XPR1: variants seen among roughly 807,000 people sequenced by gnomAD.
The protein encoded by XPR1 is solute carrier family 53 member 1.
A neutral mutation model predicts 87.5 loss-of-function variants in XPR1; 28 were observed. The observed-to-expected ratio is 0.32, with a 90% CI of 0.24 to 0.44. XPR1 has a LOEUF of 0.44. Ranked by LOEUF, XPR1 falls within the 20% of genes least tolerant of loss-of-function variation. XPR1 has a pLI of 1.00. For synonymous variants in XPR1, 300 were observed against 306.1 expected (o/e 0.98, Z 0.21); for missense variants, 559 against 862.3 (o/e 0.65, Z 4.41).
chr1:180,833,037 G>T (rs1341056699), intron 9 of XPR1, among the ~76,000 whole-genome samples: 9 of 151,980 alleles, frequency 5.9e-5, no homozygotes, highest in African/African-American at 2.2e-4. Flanking sequence ...TTATTTCCTT[G>T]AGCAGTGGTT....
At chr1:180,695,770 A>G (rs1481885842) in intron 2 of XPR1, among the ~76,000 whole-genome samples, 1 of 151,866 alleles carries the variant, frequency 6.6e-6, no homozygotes, top group Admixed American at 6.6e-5. Flanking sequence ...TGGATTCTTT[A>G]TTCTGTTCCA....
chr1:180,850,553 T>TTTTATA (rs1651831841), intron 11 of XPR1, among the ~76,000 whole-genome samples: 1 of 152,204 alleles, frequency 6.6e-6, no homozygotes, highest in African/African-American at 2.4e-5. Flanking sequence ...GACTATAATT[T>TTTTATA]TAGCTTATGT....
intron 2 of XPR1, among the ~76,000 whole-genome samples, chr1:180,687,343 TA>T (rs1439772477): frequency 6.6e-6 from 1 of 152,196 alleles, no homozygotes; most frequent in East Asian, 1.9e-4. Context: ...GACAAATATT[TA>T]TAGTTAAGAG....
chr1:180,784,963 G>C (rs1406630840), intron 2 of XPR1, among the ~76,000 whole-genome samples: 2 of 143,664 alleles, frequency 1.4e-5, no homozygotes, highest in Non-Finnish European at 3.1e-5. Flanking sequence ...AATTCTTGCT[G>C]TTTTATTTAT....
chr1:180,771,292 T>TA (rs935268681), intron 2 of XPR1, among the ~76,000 whole-genome samples: 15 of 152,150 alleles, frequency 9.9e-5, no homozygotes, highest in Middle Eastern at 3.2e-3. Flanking sequence ...GTTTTTTTTT[T>TA]AATTTGTCTT....
chr1:180,816,994 G>A (rs994861246), intron 7 of XPR1, among the ~76,000 whole-genome samples: 1 of 152,174 alleles, frequency 6.6e-6, no homozygotes, highest in Non-Finnish European at 1.5e-5. Context: ...AGTGGGAGAA[G>A]ATGTGGAGGT....
At chr1:180,850,000 T>A (rs1651811563) in intron 11 of XPR1, among the ~76,000 whole-genome samples, 1 of 152,204 alleles carries the variant, frequency 6.6e-6, no homozygotes, top group Non-Finnish European at 1.5e-5. Flanking sequence ...TAGAGACTAT[T>A]GAAATTTTTT....
At position 180,633,018 on chromosome 1, in the gene XPR1, T is replaced by C. The variant is rs12146032; in HGVS notation, c.69+748T>C. Among the ~76,000 whole-genome samples the C allele has an allele frequency of 3.2e-3, 494 of 152,326 alleles. 5 individuals are homozygous for C. Among genetic ancestry groups the C allele is most frequent in the Admixed American group, 6.1e-3 (94 of 15,308 alleles). Reference sequence around the variant, plus strand: ...AAGAGAAAGGAGAGAAGAGAATTATTAACATTTTTTTATTTTCTGCTAAGT... The same window carrying C: ...AAGAGAAAGGAGAGAAGAGAATTATCAACATTTTTTTATTTTCTGCTAAGT... On this transcript the variant is annotated intron_variant, in intron 1 of 14. Coordinates refer to ENST00000367590, the MANE Select transcript of XPR1 (RefSeq NM_004736.4).
intron 2 of XPR1, among the ~76,000 whole-genome samples, chr1:180,741,065 C>G (rs1034980668): frequency 6.6e-6 from 1 of 152,198 alleles, no homozygotes. Flanking sequence ...GTGACACATT[C>G]AATCTATAAT....
Position 180,824,926 on chromosome 1 carries a change from C to A in XPR1, c.937C>A (p.His313Asn). ...ACTTAATCCGAGAAGCAATTTGTCT[C>A]ATCAACATCTCTTTGAGGTAATCAA... ...FELNPRSNLS[H>N]QHLFEIAGFL... The change falls in exon 8 of 15, where the codon CAT (histidine) becomes AAT (asparagine). Residue 313 changes from histidine (H) to asparagine (N), a missense_variant. By Grantham distance (68) the His-to-Asn change is moderately conservative. Transcript: ENST00000367590. 6.2e-7 allele frequency: 1 copy of A among 1,613,728 alleles called. No homozygotes were observed. Among genetic ancestry groups the A allele is most frequent in the South Asian group, 1.1e-5 (1 of 90,950 alleles).
In XPR1 at chr1:180,773,271, A is replaced by G. The variant is rs144755270; in HGVS notation, c.122-14482A>G. On this transcript the variant is annotated intron_variant, in intron 2 of 14. Transcript: ENST00000367590. ...AAAAAAAATGTTCAGACGGGAGAACAAACATCATGTATTAAGGTCCAGAGA... is the reference window on the plus strand; with the variant it reads ...AAAAAAAATGTTCAGACGGGAGAACGAACATCATGTATTAAGGTCCAGAGA... 5.3e-5 allele frequency among the ~76,000 whole-genome samples: 8 copies of G among 152,308 alleles called. No individual in the cohort carries two copies. In the East Asian group the frequency reaches 1.5e-3, roughly 29 times the overall value.
intron 1 of XPR1, among the ~76,000 whole-genome samples, chr1:180,641,139 G>C (rs967599856): frequency 6.6e-6 from 1 of 152,184 alleles, no homozygotes; most frequent in African/African-American, 2.4e-5. Context: ...CTTCAGGCAA[G>C]TCAGTTAACC....
Position 180,857,457 on chromosome 1 carries a change from A to G in XPR1, c.1502-6251A>G, listed in dbSNP as rs1005513166. On this transcript the variant is annotated intron_variant, in intron 11 of 14. Coordinates refer to ENST00000367590, the MANE Select transcript of XPR1 (RefSeq NM_004736.4). ...CCTGGTACCTAGAATAATATCTGGC[A>G]TGTGCAGGTACTCTTTATTGAATGA... Among the ~76,000 whole-genome samples, 4 of 152,166 alleles carry G rather than the reference A, an allele frequency of 2.6e-5. No homozygotes were observed. The South Asian group carries it at 6.2e-4, about 24-fold the overall frequency.
At chr1:180,808,262 G>A (rs1308363865) in intron 6 of XPR1, among the ~76,000 whole-genome samples, 4 of 150,348 alleles carry the variant, frequency 2.7e-5, no homozygotes, top group Non-Finnish European at 2.9e-5. Flanking sequence ...AACTAAGGAT[G>A]CTGAAACAGT....
chr1:180,774,988 G>A (rs1648658276), intron 2 of XPR1, among the ~76,000 whole-genome samples: 1 of 152,166 alleles, frequency 6.6e-6, no homozygotes, highest in African/African-American at 2.4e-5. Flanking sequence ...TCCTTACATG[G>A]CAGAAAGGAT....
At chr1:180,752,684 TC>T (rs1452801377) in intron 2 of XPR1, among the ~76,000 whole-genome samples, 3 of 152,276 alleles carry the variant, frequency 2.0e-5, no homozygotes, top group Admixed American at 2.0e-4. Context: ...ATTTAATAGA[TC>T]CCAGAGGAAG....
intron 2 of XPR1, among the ~76,000 whole-genome samples, chr1:180,753,508 C>G (rs1047611218): frequency 6.6e-6 from 1 of 150,832 alleles, no homozygotes; most frequent in South Asian, 2.1e-4. Context: ...AAGCTGAGAT[C>G]GTGCCACTGT....
At chr1:180,825,619 T>C (rs1650802867) in intron 9 of XPR1, among the ~76,000 whole-genome samples, 1 of 152,196 alleles carries the variant, frequency 6.6e-6, no homozygotes, top group South Asian at 2.1e-4. Context: ...GTAAGTTTCC[T>C]TCCCCCAAAA....
chr1:180,811,494 T>C lies in XPR1; in HGVS notation c.763+6T>C, dbSNP rs1025205051. On this transcript the variant is annotated splice_donor_region_variant and intron_variant, in intron 7 of 14. Transcript: ENST00000367590. ...TATTACCCTTGTGCTTGCCGGTAAG[T>C]AGTTTAAATTTTGAATTAATTTATT... 1 of 1,606,822 alleles carries C rather than the reference T, an allele frequency of 6.2e-7. No individual in the cohort carries two copies. Among genetic ancestry groups the C allele is most frequent in the Non-Finnish European group, 8.5e-7 (1 of 1,174,620 alleles).
Sources: allele counts gnomAD v4.1 joint callset (sites outside exome capture counted in the v4.1 genomes callset), GRCh38; gene constraint gnomAD v4.1.1; transcripts MANE v1.5; gene names NCBI Gene and HGNC (gene_info 2026-07-23, HGNC 2026-07-21).